Variants in LRRTM2 observed in about 807,000 individuals in gnomAD.
LRRTM2 encodes leucine-rich repeat transmembrane neuronal protein 2.
In LRRTM2, 14 loss-of-function variants were observed where a neutral mutation model predicts 40.7. The observed-to-expected ratio is 0.34, with a 90% CI of 0.23 to 0.54. The LOEUF is 0.54. Among genes scored for constraint, LRRTM2 ranks in the 20% least tolerant of loss-of-function variants. LRRTM2 has a pLI of 0.92. For missense variants in LRRTM2, 468 were observed against 624.4 expected (o/e 0.75, Z 2.67); for synonymous variants, 223 against 237.6 (o/e 0.94, Z 0.57).
Position 138,872,083 on chromosome 5 carries a change from A to G in LRRTM2, c.*927T>C, listed in dbSNP as rs1750719754. On this transcript the variant is annotated 3_prime_UTR_variant, in exon 2 of 2. Transcript: ENST00000274711. The stretch of plus-strand genomic sequence containing the variant: ...GTGTGTGTGTGCGCTTTTAAATTGG[A>G]GGGAGCATGTCAGGATTGTTAAATT... 6.7e-6 allele frequency: 1 copy of G among 148,392 alleles called. No individual in the cohort carries two copies. Among genetic ancestry groups the G allele is most frequent in the Admixed American group, 6.8e-5 (1 of 14,770 alleles). 9.2% of individuals were successfully genotyped at this position (148,392 alleles called of 1,614,324 possible). A position where few individuals can be genotyped will look rare whatever the true frequency, so the allele number is the denominator to read the frequency against.
At position 138,873,116 on chromosome 5, in the gene LRRTM2, C is replaced by T; in HGVS notation, c.1445G>A (p.Gly482Glu). Residue 482 changes from glycine (G) to glutamate (E), a missense_variant, in exon 2 of 2, where the codon GGA becomes GAA. Coordinates refer to ENST00000274711, the MANE Select transcript of LRRTM2 (RefSeq NM_015564.3). The surrounding 1 kb of genome is among the most constrained non-coding windows in gnomAD (Gnocchi z 6.1). ...RLHMSNMSDQ[G>E]PYNEYEPTHE... ...GGTGGGTTCATATTCATTATACGGT[C>T]CTTGGTCTGACATGTTTGACATATG... The T allele has an allele frequency of 6.2e-7, 1 of 1,613,850 alleles. No homozygotes were observed. Among genetic ancestry groups the T allele is most frequent in the South Asian group, 1.1e-5 (1 of 91,068 alleles).
At position 138,873,881 on chromosome 5, in the gene LRRTM2, C is replaced by T. The variant is rs1442315678; in HGVS notation, c.680G>A (p.Arg227Gln). 7 of 1,613,854 alleles carry T rather than the reference C, an allele frequency of 4.3e-6. No homozygotes were observed. Among genetic ancestry groups the T allele is most frequent in the African/African-American group, 1.3e-5 (1 of 74,884 alleles). Residue 227 changes from arginine (R) to glutamine (Q), a missense_variant, in exon 2 of 2, where the codon CGG becomes CAG. Coordinates refer to ENST00000274711, the MANE Select transcript of LRRTM2 (RefSeq NM_015564.3). The surrounding 1 kb of genome is among the most constrained non-coding windows in gnomAD (Gnocchi z 6.1). ...GAAGAGCGTGTGCAGACTGCTTAGC[C>T]GTAGGAAATGAGCAAAATTAATCTT... The part of the protein sequence containing the change: ...LTKINFAHFL[R>Q]LSSLHTLFLQ...
chr5:138,873,606 T>C lies in LRRTM2; in HGVS notation c.955A>G (p.Ile319Val), dbSNP rs780375690. Residue 319 changes from isoleucine to valine, a missense_variant, in exon 2 of 2, where the codon ATA becomes GTA. Transcript: ENST00000274711. This position sits in a 1 kb window ranked among gnomAD's most constrained non-coding sequence, Gnocchi z 6.1. ...SGNLWECSAR[I>V]CALASWLGSF... Reference sequence around the variant, plus strand: ...CCCAGCCAGGAGGCCAGAGCACATATTCGGGCGCTGCATTCCCACAGATTG... The same window carrying C: ...CCCAGCCAGGAGGCCAGAGCACATACTCGGGCGCTGCATTCCCACAGATTG... 1.2e-6 allele frequency: 2 copies of C among 1,614,018 alleles called. No homozygotes were observed. The highest frequency in any genetic ancestry group is 1.7e-6 in the Non-Finnish European group (2 of 1,179,898).
rs1049733501 is a variant in LRRTM2, at chr5:138,874,710, T to C, written c.5-154A>G. On this transcript the variant is annotated intron_variant, in intron 1 of 1. Transcript: ENST00000274711. This position sits in a 1 kb window ranked among gnomAD's most constrained non-coding sequence, Gnocchi z 4.1. ...TTTACTGCAGAAAAATTAACCTTAT[T>C]GGTATGACTGGACCAAAACTTAAGC... 2.0e-5 allele frequency among the ~76,000 whole-genome samples: 3 copies of C among 152,224 alleles called. No individual in the cohort carries two copies. The highest frequency in any genetic ancestry group is 4.4e-5 in the Non-Finnish European group (3 of 68,032).
rs1474447704 is a variant in LRRTM2, at chr5:138,875,318, G to A, written c.-407C>T. Reference sequence around the variant, plus strand: ...AGTGCATTTACTGAAAAGCTTTTCCGAGAAACGGCACAAGAATGGATTTGC... The same window carrying A: ...AGTGCATTTACTGAAAAGCTTTTCCAAGAAACGGCACAAGAATGGATTTGC... On this transcript the variant is annotated 5_prime_UTR_variant, in exon 1 of 2. Transcript: ENST00000274711. 24 of 908,802 alleles carry A rather than the reference G, an allele frequency of 2.6e-5. No individual in the cohort carries two copies. Among genetic ancestry groups the A allele is most frequent in the South Asian group, 9.3e-5 (2 of 21,426 alleles). 56.3% of individuals were successfully genotyped at this position (908,802 alleles called of 1,614,324 possible). A position where few individuals can be genotyped will look rare whatever the true frequency, so the allele number is the denominator to read the frequency against.
rs1380314184 is a variant in LRRTM2, at chr5:138,875,051, C to T, written c.-140G>A. On this transcript the variant is annotated 5_prime_UTR_variant, in exon 1 of 2. Transcript: ENST00000274711. The stretch of plus-strand genomic sequence containing the variant: ...CCAGGCTTTCCAAGTAAAATTGAAT[C>T]CACCAGGACGAGTTGTTTTTTCCTT... The T allele has an allele frequency of 1.3e-6, 1 of 778,506 alleles. No homozygotes were observed. The highest frequency in any genetic ancestry group is 1.7e-5 in the South Asian group (1 of 59,482). The allele number at this position is 778,506 out of a possible 1,614,324, so 48.2% of individuals were successfully genotyped here. A position where few individuals can be genotyped will look rare whatever the true frequency, so the allele number is the denominator to read the frequency against.
In LRRTM2 at chr5:138,872,927, T is replaced by G; in HGVS notation, c.*83A>C. ...TGGAAAATTAGGCTTAATGTCACCA[T>G]TGGTAAAAATTAGATATGTATTTAG... On this transcript the variant is annotated 3_prime_UTR_variant, in exon 2 of 2. Transcript: ENST00000274711. The G allele has an allele frequency of 1.0e-6, 1 of 964,084 alleles. No homozygotes were observed. Among genetic ancestry groups the G allele is most frequent in the Non-Finnish European group, 1.5e-6 (1 of 667,594 alleles). 59.7% of individuals were successfully genotyped at this position (964,084 alleles called of 1,614,324 possible). A position where few individuals can be genotyped will look rare whatever the true frequency, so the allele number is the denominator to read the frequency against.
chr5:138,874,794 C>A lies in LRRTM2; in HGVS notation c.4+114G>T. 1 of 1,090,950 alleles carries A rather than the reference C, an allele frequency of 9.2e-7. No individual in the cohort carries two copies. The highest frequency in any genetic ancestry group is 1.4e-5 in the South Asian group (1 of 69,954). The allele number at this position is 1,090,950 out of a possible 1,614,324, so 67.6% of individuals were successfully genotyped here. A position where few individuals can be genotyped will look rare whatever the true frequency, so the allele number is the denominator to read the frequency against. On this transcript the variant is annotated intron_variant, in intron 1 of 1. Transcript: ENST00000274711. This position sits in a 1 kb window ranked among gnomAD's most constrained non-coding sequence, Gnocchi z 4.1. ...TCATCGATATATGCTTTTACCTAAA[C>A]CTCAAAATCCAAAATATGATGGTGA...
Position 138,872,870 on chromosome 5 carries a change from C to T in LRRTM2, c.*140G>A, listed in dbSNP as rs1208302092. 1 of 547,800 alleles carries T rather than the reference C, an allele frequency of 1.8e-6. No homozygotes were observed. The highest frequency in any genetic ancestry group is 3.1e-6 in the Non-Finnish European group (1 of 320,856). The allele number at this position is 547,800 out of a possible 1,614,324, so 33.9% of individuals were successfully genotyped here. A position where few individuals can be genotyped will look rare whatever the true frequency, so the allele number is the denominator to read the frequency against. On this transcript the variant is annotated 3_prime_UTR_variant, in exon 2 of 2. Coordinates refer to ENST00000274711, the MANE Select transcript of LRRTM2 (RefSeq NM_015564.3). ...TTCATTTAAAAAATTAAAAATACTT[C>T]AACACTTCAAAAACTAAGTCTCCAC...
chr5:138,872,843 G>A lies in LRRTM2; in HGVS notation c.*167C>T. 2.0e-6 allele frequency: 1 copy of A among 509,542 alleles called. No homozygotes were observed. Among genetic ancestry groups the A allele is most frequent in the South Asian group, 3.8e-5 (1 of 26,060 alleles). 31.6% of individuals were successfully genotyped at this position (509,542 alleles called of 1,614,324 possible). A position where few individuals can be genotyped will look rare whatever the true frequency, so the allele number is the denominator to read the frequency against. Reference sequence around the variant, plus strand: ...TGATTCATTTAACACTTAAAATATGGTTTCATTTAAAAAATTAAAAATACT... The same window carrying A: ...TGATTCATTTAACACTTAAAATATGATTTCATTTAAAAAATTAAAAATACT... On this transcript the variant is annotated 3_prime_UTR_variant, in exon 2 of 2. Coordinates refer to ENST00000274711, the MANE Select transcript of LRRTM2 (RefSeq NM_015564.3).
chr5:138,874,136 A>G lies in LRRTM2; in HGVS notation c.425T>C (p.Phe142Ser). The change falls in exon 2 of 2, where the codon TTT becomes TCT. Residue 142 changes from phenylalanine to serine, a missense_variant. Physicochemically the swap from Phe to Ser is radical, Grantham distance 155. Coordinates refer to ENST00000274711, the MANE Select transcript of LRRTM2 (RefSeq NM_015564.3). This position sits in a 1 kb window ranked among gnomAD's most constrained non-coding sequence, Gnocchi z 4.1. ...LINLQNLDLS[F>S]NQLSSLHPEL... ...TGGGTGCAGAGATGACAGCTGATTA[A>G]AAGACAGGTCCAAATTTTGCAGGTT... 1 of 1,613,778 alleles carries G rather than the reference A, an allele frequency of 6.2e-7. No individual in the cohort carries two copies. Among genetic ancestry groups the G allele is most frequent in the South Asian group, 1.1e-5 (1 of 91,064 alleles).
chr5:138,875,146 A>C lies in LRRTM2; in HGVS notation c.-235T>G, dbSNP rs1044116437. 2.2e-6 allele frequency: 1 copy of C among 450,592 alleles called. No homozygotes were observed. 27.9% of individuals were successfully genotyped at this position (450,592 alleles called of 1,614,324 possible). ...TCTGATCCCTAAATCAGTTTTGAAT[A>C]TAAGTTATTAAATTTCTCCACCTCT... On this transcript the variant is annotated 5_prime_UTR_variant, in exon 1 of 2. Transcript: ENST00000274711.
chr5:138,873,776 C>G lies in LRRTM2; in HGVS notation c.785G>C (p.Gly262Ala), dbSNP rs762786855. 3.7e-6 allele frequency: 6 copies of G among 1,613,878 alleles called. No individual in the cohort carries two copies. Among genetic ancestry groups the G allele is most frequent in the Non-Finnish European group, 3.4e-6 (4 of 1,179,900 alleles). Residue 262 changes from glycine to alanine, a missense_variant, in exon 2 of 2, where the codon GGA becomes GCA. Physicochemically the swap from Gly to Ala is moderately conservative, Grantham distance 60. Coordinates refer to ENST00000274711, the MANE Select transcript of LRRTM2 (RefSeq NM_015564.3). This position sits in a 1 kb window ranked among gnomAD's most constrained non-coding sequence, Gnocchi z 6.1. ...WGTLEKLDLT[G>A]NEIKAIDLTV... Reference sequence around the variant, plus strand: ...CAAGTCGATGGCTTTGATTTCATTTCCAGTCAGGTCTAGCTTTTCTAAAGT... The same window carrying G: ...CAAGTCGATGGCTTTGATTTCATTTGCAGTCAGGTCTAGCTTTTCTAAAGT...
In LRRTM2 at chr5:138,872,752, A is replaced by G. The variant is rs288037; in HGVS notation, c.*258T>C. ...TTTACACACGATTGTATATAATTAC[A>G]TACATTTCTTATTTTGAAGTAAGCA... On this transcript the variant is annotated 3_prime_UTR_variant, in exon 2 of 2. Transcript: ENST00000274711. 0.26 allele frequency: 94,084 copies of G among 357,350 alleles called. 13,753 individuals are homozygous for G. Among genetic ancestry groups the G allele is most frequent in the Non-Finnish European group, 0.3 (59,637 of 198,644 alleles). The allele number at this position is 357,350 out of a possible 1,614,324, so 22.1% of individuals were successfully genotyped here.
chr5:138,873,080 G>C lies in LRRTM2; in HGVS notation c.1481C>G (p.Pro494Arg). 1 of 1,613,776 alleles carries C rather than the reference G, an allele frequency of 6.2e-7. No individual in the cohort carries two copies. Among genetic ancestry groups the C allele is most frequent in the South Asian group, 1.1e-5 (1 of 91,062 alleles). The change falls in exon 2 of 2, where the codon CCC becomes CGC. Residue 494 changes from proline to arginine, a missense_variant. Pro to Arg is a moderately radical substitution (Grantham distance 103, BLOSUM62 -2). Transcript: ENST00000274711. The surrounding 1 kb of genome is among the most constrained non-coding windows in gnomAD (Gnocchi z 6.1). Reference protein sequence around the residue: ...YNEYEPTHEGPFIIINGYGQC... With the variant: ...YNEYEPTHEGRFIIINGYGQC... Reference sequence around the variant, plus strand: ...TCCATAACCATTAATGATGATGAAGGGTCCTTCATGGGTGGGTTCATATTC... The same window carrying C: ...TCCATAACCATTAATGATGATGAAGCGTCCTTCATGGGTGGGTTCATATTC...
rs1349998931 is a variant in LRRTM2 at position 138,874,584 on chromosome 5, GA to G, written c.5-29del. On this transcript the variant is annotated intron_variant, in intron 1 of 1. Coordinates refer to ENST00000274711, the MANE Select transcript of LRRTM2 (RefSeq NM_015564.3). The surrounding 1 kb of genome is among the most constrained non-coding windows in gnomAD (Gnocchi z 4.1). ...GCAGAATATAATTTAAGGAAAACAA[GA>G]AGATAGGATATTTTTCAGCAGAACA... 4.3e-6 allele frequency: 6 copies of G among 1,388,636 alleles called. No homozygotes were observed. Among genetic ancestry groups the G allele is most frequent in the Non-Finnish European group, 5.8e-6 (6 of 1,029,236 alleles). 86.0% of individuals were successfully genotyped at this position (1,388,636 alleles called of 1,614,324 possible).
In LRRTM2 at chr5:138,873,767, A is replaced by G; in HGVS notation, c.794T>C (p.Ile265Thr). 1.2e-6 allele frequency: 2 copies of G among 1,613,974 alleles called. No individual in the cohort carries two copies. The highest frequency in any genetic ancestry group is 1.7e-6 in the Non-Finnish European group (2 of 1,179,892). Residue 265 changes from isoleucine (I) to threonine (T), a missense_variant, in exon 2 of 2, where the codon ATC becomes ACC. Ile to Thr is a moderately conservative substitution (Grantham distance 89). Coordinates refer to ENST00000274711, the MANE Select transcript of LRRTM2 (RefSeq NM_015564.3). The surrounding 1 kb of genome is among the most constrained non-coding windows in gnomAD (Gnocchi z 6.1). ...LEKLDLTGNE[I>T]KAIDLTVFET... ...AAACACTGTCAAGTCGATGGCTTTGATTTCATTTCCAGTCAGGTCTAGCTT... is the reference window on the plus strand; with the variant it reads ...AAACACTGTCAAGTCGATGGCTTTGGTTTCATTTCCAGTCAGGTCTAGCTT...
Position 138,874,509 on chromosome 5 carries a change from A to T in LRRTM2, c.52T>A (p.Tyr18Asn). 6.2e-7 allele frequency: 1 copy of T among 1,602,098 alleles called. No individual in the cohort carries two copies. The highest frequency in any genetic ancestry group is 8.5e-7 in the Non-Finnish European group (1 of 1,172,632). The change falls in exon 2 of 2, where the codon TAT becomes AAT. Residue 18 changes from tyrosine (Y) to asparagine (N), a missense_variant. Tyr to Asn is a moderately radical substitution (Grantham distance 143). Coordinates refer to ENST00000274711, the MANE Select transcript of LRRTM2 (RefSeq NM_015564.3). This position sits in a 1 kb window ranked among gnomAD's most constrained non-coding sequence, Gnocchi z 4.1. Reference sequence around the variant, plus strand: ...ATTTTTAAAACCATACTCATTGCATATATTGCTGCCAGCATAGGGGCCCCT... The same window carrying T: ...ATTTTTAAAACCATACTCATTGCATTTATTGCTGCCAGCATAGGGGCCCCT... ...PLGAPMLAAI[Y>N]AMSMVLKMLP...
rs933386347 is a variant in LRRTM2 at position 138,871,541 on chromosome 5, T to C, written c.*1469A>G. On this transcript the variant is annotated 3_prime_UTR_variant, in exon 2 of 2. Coordinates refer to ENST00000274711, the MANE Select transcript of LRRTM2 (RefSeq NM_015564.3). ...GCATGTTTATATTTACATTGGAGGA[T>C]CTACCCCTCTTCCCTTTTCAGCAGC... is the stretch of plus-strand genomic sequence containing the variant. The C allele has an allele frequency of 6.6e-6, 1 of 152,262 alleles. No individual in the cohort carries two copies. The highest frequency in any genetic ancestry group is 1.5e-5 in the Non-Finnish European group (1 of 68,046). 9.4% of individuals were successfully genotyped at this position (152,262 alleles called of 1,614,324 possible).
Sources: allele counts gnomAD v4.1 joint callset (sites outside exome capture counted in the v4.1 genomes callset), GRCh38; gene constraint gnomAD v4.1.1; non-coding constraint Gnocchi (gnomAD v3.1); transcripts MANE v1.5; gene names NCBI Gene and HGNC (gene_info 2026-07-23, HGNC 2026-07-21).